ARK2C: variants seen among roughly 807,000 people sequenced by gnomAD.
The protein encoded by ARK2C is E3 ubiquitin-protein ligase ARK2C.
the ARK2C span, chr18:46,336,213 G>C: frequency 1.0e-6 from 1 of 985,340 alleles, no homozygotes; most frequent in Non-Finnish European, 1.2e-6. Flanking sequence ...TGATTAAGAA[G>C]GATGTTGAGC....
At chr18:46,450,366 G>C in the ARK2C span, 1 of 1,614,026 alleles carries the variant, frequency 6.2e-7, no homozygotes, top group South Asian at 1.1e-5. Flanking sequence ...CTAAATCCCA[G>C]CAGACACACC....
At chr18:46,407,375 T>C in the ARK2C span, among the ~76,000 whole-genome samples, 3 of 152,322 alleles carry the variant, frequency 2.0e-5, no homozygotes, top group African/African-American at 7.2e-5. Flanking sequence ...ATTGGCCCTT[T>C]CTTGCTTGCT....
At chr18:46,456,117 T>C in the ARK2C span, 91 of 1,271,604 alleles carry the variant, frequency 7.2e-5, no homozygotes, top group Non-Finnish European at 9.9e-5. Context: ...CTCCCCTCTC[T>C]TATAGGTATT....
At chr18:46,431,239 A>T in the ARK2C span, among the ~76,000 whole-genome samples, 1 of 152,182 alleles carries the variant, frequency 6.6e-6, no homozygotes, top group African/African-American at 2.4e-5. Flanking sequence ...GTTCATTTTT[A>T]AAAATTTGGT....
chr18:46,446,282 C>T, the ARK2C span, among the ~76,000 whole-genome samples: 1 of 152,110 alleles, frequency 6.6e-6, no homozygotes, highest in Non-Finnish European at 1.5e-5. Flanking sequence ...AGCTGAAAAA[C>T]TTTTACAAAG....
At chr18:46,336,846 G>T in the ARK2C span, 1 of 985,374 alleles carries the variant, frequency 1.0e-6, no homozygotes, top group Non-Finnish European at 1.2e-6. Flanking sequence ...ACTGAAGATT[G>T]CACTTAGTTG....
At chr18:46,457,160 T>A in the ARK2C span, 1 of 152,742 alleles carries the variant, frequency 6.5e-6, no homozygotes, top group African/African-American at 2.4e-5. Context: ...TCATTGAGTT[T>A]CTTGTTTTGG....
the ARK2C span, among the ~76,000 whole-genome samples, chr18:46,408,361 G>T: frequency 6.6e-6 from 1 of 152,256 alleles, no homozygotes; most frequent in Admixed American, 6.5e-5. Context: ...TCTACCCAGA[G>T]CCAGAGTTGG....
the ARK2C span, among the ~76,000 whole-genome samples, chr18:46,400,206 C>T: frequency 3.9e-5 from 6 of 152,226 alleles, no homozygotes; most frequent in East Asian, 7.7e-4. Flanking sequence ...TCACCCCTCT[C>T]ATGGGCTCTG....
chr18:46,334,355 G>T, the ARK2C span: 2 of 1,580,132 alleles, frequency 1.3e-6, no homozygotes, highest in South Asian at 2.3e-5. The surrounding 1 kb of genome is among the most constrained non-coding windows in gnomAD (Gnocchi z 4.4). Flanking sequence ...TTTCCTTTCG[G>T]GGTCTGCTTC....
chr18:46,378,998 T>G, the ARK2C span, among the ~76,000 whole-genome samples: 1 of 152,184 alleles, frequency 6.6e-6, no homozygotes, highest in African/African-American at 2.4e-5. Flanking sequence ...GCTCACCTGC[T>G]CCTAATTAGG....
At chr18:46,389,085 C>T in the ARK2C span, among the ~76,000 whole-genome samples, 1 of 152,122 alleles carries the variant, frequency 6.6e-6, no homozygotes, top group Non-Finnish European at 1.5e-5. Flanking sequence ...GGAAGACAGG[C>T]TTAGGGACCA....
chr18:46,338,155 C>G, the ARK2C span, among the ~76,000 whole-genome samples: 1 of 152,210 alleles, frequency 6.6e-6, no homozygotes. Context: ...TTTGCTGTCT[C>G]ATTGATTTAC....
the ARK2C span, among the ~76,000 whole-genome samples, chr18:46,361,350 T>C: frequency 1.3e-5 from 2 of 152,234 alleles, no homozygotes; most frequent in African/African-American, 4.8e-5. Context: ...ATGTTTATAA[T>C]GATATAGAAA....
chr18:46,338,774 G>A, the ARK2C span, among the ~76,000 whole-genome samples: 1 of 152,200 alleles, frequency 6.6e-6, no homozygotes, highest in Non-Finnish European at 1.5e-5. Flanking sequence ...GAAATGAGTT[G>A]ATTAAAGAAA....
At chr18:46,380,380 C>T in the ARK2C span, among the ~76,000 whole-genome samples, 1 of 152,164 alleles carries the variant, frequency 6.6e-6, no homozygotes, top group African/African-American at 2.4e-5. Flanking sequence ...GAAGGAGGCC[C>T]AGAGGAACTT....
the ARK2C span, among the ~76,000 whole-genome samples, chr18:46,375,419 T>C: frequency 6.6e-6 from 1 of 152,036 alleles, no homozygotes; most frequent in South Asian, 2.1e-4. Context: ...CTGGGTATGG[T>C]GGTACACACC....
chr18:46,341,124 T>C, the ARK2C span, among the ~76,000 whole-genome samples: 114,251 of 152,098 alleles, frequency 0.75, 43,056 homozygotes, highest in East Asian at 0.91. Flanking sequence ...AGCACAACTC[T>C]AGGAGTTAAG....
the ARK2C span, among the ~76,000 whole-genome samples, chr18:46,371,349 T>C: frequency 3.3e-5 from 5 of 151,634 alleles, no homozygotes; most frequent in Admixed American, 3.3e-4. Flanking sequence ...GCAAGGAGGG[T>C]CACGGGGTCT....
Sources: allele counts gnomAD v4.1 joint callset (sites outside exome capture counted in the v4.1 genomes callset), GRCh38; gene constraint gnomAD v4.1.1; non-coding constraint Gnocchi (gnomAD v3.1); transcripts MANE v1.5; gene names NCBI Gene and HGNC (gene_info 2026-07-23, HGNC 2026-07-21).